WNT7A: variants seen among roughly 807,000 people sequenced by gnomAD.
The protein encoded by WNT7A is Wnt family member 7A, also known as protein Wnt-7a.
A neutral mutation model predicts 28.2 loss-of-function variants in WNT7A; 16 were observed. That is an observed-to-expected ratio of 0.57 (90% CI 0.38 to 0.86). WNT7A has a LOEUF of 0.86. Among genes scored for constraint, WNT7A ranks in the 40% least tolerant of loss-of-function variants. The probability of loss-of-function intolerance (pLI) is 0.00; values close to 1 mark genes in which losing one functional copy is unlikely to be tolerated. For missense variants in WNT7A, 411 were observed against 489.7 expected, an observed-to-expected ratio of 0.84 and a Z score of 1.52; for synonymous variants, 190 against 195.9, an observed-to-expected ratio of 0.97 and a Z score of 0.25.
chr3:13,879,801 G>A lies in WNT7A; in HGVS notation c.16C>T (p.Arg6Trp), dbSNP rs768000316. The stretch of plus-strand genomic sequence containing the variant: ...AGAAAGAGGTGGCCCAGGCAGCGCC[G>A]CGCTTTCCGGTTCATAGTCCCGATT... MNRKA[R>W]RCLGHLFLSL... is the part of the protein sequence containing the mutation. The change falls in exon 1 of 4, where the codon CGG becomes TGG. Residue 6 changes from arginine (R) to tryptophan (W), a missense_variant. By Grantham distance (101) the Arg-to-Trp change is moderately radical. Coordinates refer to ENST00000285018, the MANE Select transcript of WNT7A (RefSeq NM_004625.4). 1 of 1,612,032 alleles carries A rather than the reference G, an allele frequency of 6.2e-7. No individual in the cohort carries two copies. Among genetic ancestry groups the A allele is most frequent in the South Asian group, 1.1e-5 (1 of 90,818 alleles).
intron 1 of WNT7A, 96 bp from the exon 2 acceptor site, chr3:13,875,269 C>T: frequency 2.3e-6 from 3 of 1,304,322 alleles, no homozygotes; most frequent in Non-Finnish European, 1.1e-6. Flanking sequence ...CACCCCACTG[C>T]CCCCAGCAGT....
At chr3:13,828,682 G>A (rs914274027) in intron 3 of WNT7A, among the ~76,000 whole-genome samples, 1 of 152,176 alleles carries the variant, frequency 6.6e-6, no homozygotes, top group African/African-American at 2.4e-5. Context: ...TCGAGACTCT[G>A]GGCTCGTTGA....
chr3:13,845,988 T>C (rs1694531395), intron 3 of WNT7A, among the ~76,000 whole-genome samples: 2 of 152,148 alleles, frequency 1.3e-5, no homozygotes, highest in South Asian at 4.1e-4. Context: ...CATCTCCTTG[T>C]CCAGTCTCAT....
At chr3:13,855,929 T>C (rs1694722170) in intron 2 of WNT7A, among the ~76,000 whole-genome samples, 2 of 152,154 alleles carry the variant, frequency 1.3e-5, no homozygotes, top group Non-Finnish European at 2.9e-5. Flanking sequence ...GCAGATGACT[T>C]GCTCCAAGTT....
intron 2 of WNT7A, chr3:13,863,720 G>A (rs1008363163): frequency 1.3e-5 from 2 of 152,320 alleles, no homozygotes; most frequent in East Asian, 1.9e-4. Context: ...AGAAAATGGA[G>A]CTGGCCCGCC....
rs1575056906 is a variant in WNT7A, at chr3:13,818,368, A to AAAAAAAAAAAAAAAAAAAAAAAAAAAAG, written c.*575_*576insCTTTTTTTTTTTTTTTTTTTTTTTTTTT. The AAAAAAAAAAAAAAAAAAAAAAAAAAAAG allele has an allele frequency of 8.7e-5, 13 of 150,124 alleles. No homozygotes were observed. The highest frequency in any genetic ancestry group is 1.5e-4 in the Non-Finnish European group (10 of 67,586). The allele number at this position is 150,124 out of a possible 1,614,324, so 9.3% of individuals were successfully genotyped here. On this transcript the variant is annotated 3_prime_UTR_variant, in exon 4 of 4. Coordinates refer to ENST00000285018, the MANE Select transcript of WNT7A (RefSeq NM_004625.4). ...GCAAACAGCAAAAAAAAAAAAAAAA[A>AAAAAAAAAAAAAAAAAAAAAAAAAAAAG]TGTGTGTGTGTATATCTATATATGC...
intron 3 of WNT7A, among the ~76,000 whole-genome samples, chr3:13,842,040 G>A (rs974508480): frequency 3.3e-5 from 5 of 151,958 alleles, no homozygotes; most frequent in Admixed American, 6.6e-5. Flanking sequence ...CAGGGAGACC[G>A]CTGCAGGGGG....
intron 3 of WNT7A, among the ~76,000 whole-genome samples, chr3:13,835,334 A>G (rs1694349636): frequency 1.3e-5 from 2 of 152,256 alleles, no homozygotes; most frequent in South Asian, 4.1e-4. Context: ...GGGCTCAGTC[A>G]GGTAGAACCA....
chr3:13,856,951 A>AAGAAGAAGG (rs1694750583), intron 2 of WNT7A, among the ~76,000 whole-genome samples: 1 of 101,534 alleles, frequency 9.8e-6, no homozygotes, highest in Admixed American at 1.0e-4. Flanking sequence ...GAAGAAGAAG[A>AAGAAGAAGG]AGAAGAAGAA....
chr3:13,839,650 T>G (rs980358538), intron 3 of WNT7A, among the ~76,000 whole-genome samples: 1 of 152,196 alleles, frequency 6.6e-6, no homozygotes, highest in Non-Finnish European at 1.5e-5. Context: ...ATCTGTGTGT[T>G]TTAAAAACAA....
chr3:13,868,802 GAGAA>G lies in WNT7A; in HGVS notation c.298+6141_298+6144del, dbSNP rs1559307248. Among the ~76,000 whole-genome samples, 14 of 34,786 alleles carry G rather than the reference GAGAA, an allele frequency of 4.0e-4. 1 individual carries two copies. Among genetic ancestry groups the G allele is most frequent in the South Asian group, 2.1e-3 (1 of 484 alleles). 22.8% of individuals were successfully genotyped at this position (34,786 alleles called of 152,430 possible). Reference sequence around the variant, plus strand: ...GGAGGAAGGAAGGAAGGGAGAGAGAGAGAAAGAAAGAGAGAGAGAGAGAAAGAGA... The same window carrying G: ...GGAGGAAGGAAGGAAGGGAGAGAGAGAGAAAGAGAGAGAGAGAGAAAGAGA... On this transcript the variant is annotated intron_variant, in intron 2 of 3. Transcript: ENST00000285018.
At chr3:13,865,281 C>T (rs1694894014) in intron 2 of WNT7A, among the ~76,000 whole-genome samples, 1 of 152,158 alleles carries the variant, frequency 6.6e-6, no homozygotes, top group Non-Finnish European at 1.5e-5. Context: ...TGCTGAGTTC[C>T]CCCATTTTAT....
chr3:13,849,745 G>A (rs1694597888), intron 3 of WNT7A, among the ~76,000 whole-genome samples: 1 of 152,150 alleles, frequency 6.6e-6, no homozygotes, highest in African/African-American at 2.4e-5. Context: ...CCCCATTAAG[G>A]CAACATCTGA....
intron 2 of WNT7A, among the ~76,000 whole-genome samples, chr3:13,869,421 A>G (rs996768687): frequency 7.7e-5 from 11 of 142,016 alleles, no homozygotes; most frequent in African/African-American, 2.6e-4. Context: ...AAAGAAAGAA[A>G]CAAAGAAAAG....
intron 3 of WNT7A, among the ~76,000 whole-genome samples, chr3:13,829,514 T>C (rs1036552087): frequency 1.3e-5 from 2 of 152,060 alleles, no homozygotes; most frequent in African/African-American, 2.4e-5. Context: ...CTGGGATGAG[T>C]GCGCACAGGG....
At chr3:13,850,105 T>C (rs952617639) in intron 3 of WNT7A, among the ~76,000 whole-genome samples, 1 of 152,262 alleles carries the variant, frequency 6.6e-6, no homozygotes, top group Non-Finnish European at 1.5e-5. Flanking sequence ...CTGCAAGCCT[T>C]TCCATTCGCA....
At chr3:13,835,796 G>A (rs1408213750) in intron 3 of WNT7A, among the ~76,000 whole-genome samples, 6 of 152,228 alleles carry the variant, frequency 3.9e-5, no homozygotes, top group Non-Finnish European at 7.3e-5. Context: ...GGATGAATGC[G>A]TAAACACAAT....
intron 2 of WNT7A, among the ~76,000 whole-genome samples, chr3:13,855,716 A>G (rs551925726): frequency 6.6e-6 from 1 of 152,246 alleles, no homozygotes; most frequent in South Asian, 2.1e-4. Context: ...CAGGGTGAAG[A>G]CTGACCAAAG....
chr3:13,821,583 GC>G (rs1256251255), intron 3 of WNT7A, among the ~76,000 whole-genome samples: 1 of 152,194 alleles, frequency 6.6e-6, no homozygotes, highest in Non-Finnish European at 1.5e-5. Context: ...ACACAATAGG[GC>G]AATGACAATG....
Sources: allele counts gnomAD v4.1 joint callset (sites outside exome capture counted in the v4.1 genomes callset), GRCh38; gene constraint gnomAD v4.1.1; transcripts MANE v1.5; gene names NCBI Gene and HGNC (gene_info 2026-07-23, HGNC 2026-07-21).